Variants in TENM1 observed in about 807,000 individuals in gnomAD.
TENM1 encodes the protein teneurin transmembrane protein 1.
TENM1 carries 35 observed loss-of-function variants against 174.8 expected under a neutral mutation model. The observed-to-expected ratio is 0.20, with a 90% CI of 0.15 to 0.27. TENM1 has a LOEUF of 0.27. Among genes scored for constraint, TENM1 ranks in the 10% least tolerant of loss-of-function variants. TENM1 has a pLI of 1.00. For missense variants in TENM1, 1,633 were observed against 2,130.1 expected, an observed-to-expected ratio of 0.77 and a Z score of 4.59; for synonymous variants, 781 against 798.7, an observed-to-expected ratio of 0.98 and a Z score of 0.37.
chrX:124,479,763 T>C (rs180833849), intron 22 of TENM1, among the ~76,000 whole-genome samples: 3 of 111,891 alleles, frequency 2.7e-5, no homozygotes, highest in African/African-American at 9.7e-5. Context: ...TCCTCTCTAT[T>C]TTTTATGCAG....
the TENM1 span, among the ~76,000 whole-genome samples, chrX:125,017,925 G>A: frequency 3.6e-5 from 4 of 111,146 alleles, no homozygotes; most frequent in Admixed American, 9.6e-5. Context: ...GTAGAGGATG[G>A]GTTGATGGGT....
At chrX:124,628,067 G>A (rs914273623) in intron 11 of TENM1, among the ~76,000 whole-genome samples, 34 of 110,840 alleles carry the variant, frequency 3.1e-4, no homozygotes, top group African/African-American at 1.0e-3. Context: ...TCCTGGATAC[G>A]ATTTTATTGT....
rs181630601 is a variant in TENM1, at chrX:124,757,268, A to T, written c.536-20071T>A. ...CAGACTGCTGTGCTAGCAATCAGCG[A>T]GACTCCGTGGGCGTAGGACCCTCCA... is the stretch of plus-strand genomic sequence containing the variant. On this transcript the variant is annotated intron_variant, in intron 3 of 31. Coordinates refer to ENST00000422452, the Ensembl canonical transcript of TENM1. Among the ~76,000 whole-genome samples the T allele has an allele frequency of 4.1e-3, 457 of 112,484 alleles. 3 individuals carry two copies. The highest frequency in any genetic ancestry group is 0.014 in the African/African-American group (428 of 31,036).
At chrX:124,432,282 C>T (rs1451000490) in intron 23 of TENM1, among the ~76,000 whole-genome samples, 3 of 112,157 alleles carry the variant, frequency 2.7e-5, no homozygotes, top group Non-Finnish European at 5.6e-5. Flanking sequence ...CAGACAATAT[C>T]AGGGTCAAAA....
Position 124,668,823 on chromosome X carries a change from C to T in TENM1, c.1168+2860G>A, listed in dbSNP as rs759675591. Among the ~76,000 whole-genome samples, 5 of 111,804 alleles carry T rather than the reference C, an allele frequency of 4.5e-5. No individual in the cohort carries two copies. In the East Asian group the frequency reaches 1.4e-3, roughly 32 times the overall value. ...ATGTAACAAACCCGCACGTTGTGCA[C>T]ATGTACCCTAGAACTTAAAGTATAA... On this transcript the variant is annotated intron_variant, in intron 6 of 31. Coordinates refer to ENST00000422452, the Ensembl canonical transcript of TENM1.
chrX:124,631,888 C>CAAAAA (rs1207149583), intron 11 of TENM1, among the ~76,000 whole-genome samples: 6 of 29,685 alleles, frequency 2.0e-4, no homozygotes, highest in African/African-American at 7.4e-4. Flanking sequence ...GACTCTGTCT[C>CAAAAA]AAAAAAAAAA....
At chrX:124,894,450 A>AC in intron 2 of TENM1, 98 bp from the exon 6 acceptor site, 2 of 579,403 alleles carry the variant, frequency 3.5e-6, no homozygotes, top group Non-Finnish European at 5.5e-6. Flanking sequence ...GCTTAAAAAA[A>AC]ACCCAGCTTT....
intron 1 of TENM1, among the ~76,000 whole-genome samples, chrX:124,912,689 G>A (rs1391124656): frequency 8.9e-6 from 1 of 111,820 alleles, no homozygotes; most frequent in East Asian, 2.8e-4. Context: ...AGTCTTGAAA[G>A]GGTGTGCTAT....
chrX:124,510,385 G>T (rs956767201), intron 18 of TENM1, among the ~76,000 whole-genome samples: 3 of 112,515 alleles, frequency 2.7e-5, no homozygotes, highest in African/African-American at 9.7e-5. Context: ...AAGAGACAAG[G>T]ACTGGAAGCT....
chrX:124,734,255 G>T (rs887745599), intron 4 of TENM1, among the ~76,000 whole-genome samples: 3 of 111,262 alleles, frequency 2.7e-5, no homozygotes, highest in Admixed American at 9.5e-5. Context: ...TTCAAGACCA[G>T]TCTAGCCAAT....
At chrX:124,906,542 T>C (rs190446387) in intron 1 of TENM1, among the ~76,000 whole-genome samples, 254 of 111,892 alleles carry the variant, frequency 2.3e-3, no homozygotes, top group African/African-American at 7.9e-3. Flanking sequence ...ACACTTACCA[T>C]ATGATCTAAC....
At chrX:124,500,627 T>C (rs1433415409) in intron 19 of TENM1, among the ~76,000 whole-genome samples, 1 of 111,833 alleles carries the variant, frequency 8.9e-6, no homozygotes, top group Non-Finnish European at 1.9e-5. Flanking sequence ...TGGGGCTTAC[T>C]GCACATTTTC....
intron 5 of TENM1, among the ~76,000 whole-genome samples, chrX:124,687,383 T>C (rs112362789): frequency 0.11 from 12,608 of 111,161 alleles, 1,471 homozygotes; most frequent in African/African-American, 0.36. Context: ...TAGCCATATG[T>C]GGAAAACTGA....
chrX:124,474,133 G>A (rs777520646), intron 22 of TENM1, among the ~76,000 whole-genome samples: 5 of 110,825 alleles, frequency 4.5e-5, no homozygotes, highest in African/African-American at 6.6e-5. Flanking sequence ...TACATATATG[G>A]GTCATTATTA....
chrX:125,139,877 GAGAGAGAGAGAGAC>G, the TENM1 span, among the ~76,000 whole-genome samples: 1 of 107,851 alleles, frequency 9.3e-6, no homozygotes, highest in African/African-American at 3.4e-5. Flanking sequence ...GAGAGAGAGA[GAGAGAGAGAGAGAC>G]AGAGAATGAG....
At chrX:125,125,959 T>C in the TENM1 span, among the ~76,000 whole-genome samples, 57 of 112,244 alleles carry the variant, frequency 5.1e-4, no homozygotes, top group South Asian at 0.019. Context: ...ATCATGACCA[T>C]ATATGCTAGT....
intron 11 of TENM1, among the ~76,000 whole-genome samples, chrX:124,585,393 C>T (rs374030004): frequency 5.4e-5 from 6 of 110,859 alleles, no homozygotes; most frequent in Non-Finnish European, 1.1e-4. Flanking sequence ...CACTCAAAAC[C>T]GCTCAACTAC....
chrX:124,671,589 G>A lies in TENM1; in HGVS notation c.1168+94C>T. The A allele has an allele frequency of 4.4e-6, 4 of 909,154 alleles. No individual in the cohort carries two copies. In the East Asian group the frequency reaches 9.5e-5, roughly 22 times the overall value. The allele number at this position is 909,154 out of a possible 1,213,427, so 74.9% of individuals were successfully genotyped here. On this transcript the variant is annotated intron_variant, in intron 6 of 31. Transcript: ENST00000422452. ...TAGAGGACTTCTTTCAAGTGATCATGAAATTTAATGTGAAGTGAAACCATC... is the reference window on the plus strand; with the variant it reads ...TAGAGGACTTCTTTCAAGTGATCATAAAATTTAATGTGAAGTGAAACCATC...
intron 3 of TENM1, among the ~76,000 whole-genome samples, chrX:124,781,277 A>G (rs2054904600): frequency 8.9e-6 from 1 of 111,796 alleles, no homozygotes; most frequent in African/African-American, 3.2e-5. Context: ...ATAAAATCCA[A>G]CTTCCAAACT....
Sources: gnomAD v4.1 joint callset for allele counts (sites outside exome capture counted in the v4.1 genomes callset) on GRCh38, gnomAD v4.1.1 for gene constraint, MANE v1.5 for transcripts, NCBI Gene and HGNC (gene_info 2026-07-23, HGNC 2026-07-21) for gene names.